The following FUT8 variants were observed in gnomAD, a reference collection of about 807,000 sequenced individuals.
FUT8 encodes alpha-(1,6)-fucosyltransferase.
FUT8 carries 29 observed loss-of-function variants against 71.3 expected under a neutral mutation model. The observed-to-expected ratio is 0.41, with a 90% CI of 0.30 to 0.55. FUT8 has a LOEUF of 0.55. Among genes scored for constraint, FUT8 ranks in the 20% least tolerant of loss-of-function variants. The probability of loss-of-function intolerance (pLI) is 0.34; values close to 1 mark genes in which losing one functional copy is unlikely to be tolerated. For missense variants in FUT8, 544 were observed against 702.1 expected (o/e 0.77, Z 2.55); for synonymous variants, 254 against 239.3 (o/e 1.06, Z -0.57).
chr14:65,465,845 A>G (rs759583145), intron 2 of FUT8, among the ~76,000 whole-genome samples: 1 of 152,184 alleles, frequency 6.6e-6, no homozygotes, highest in Non-Finnish European at 1.5e-5. Flanking sequence ...GCTTCTGTCA[A>G]TTACCGATAG....
intron 5 of FUT8, among the ~76,000 whole-genome samples, chr14:65,625,984 A>C (rs988746453): frequency 6.6e-6 from 1 of 152,162 alleles, no homozygotes; most frequent in Non-Finnish European, 1.5e-5. Flanking sequence ...AGCAAATCAC[A>C]GTTGTTGAGG....
intron 1 of FUT8, among the ~76,000 whole-genome samples, chr14:65,435,412 TTCA>T (rs2065540196): frequency 6.6e-6 from 1 of 152,206 alleles, no homozygotes; most frequent in African/African-American, 2.4e-5. Context: ...TTCATTGAGA[TTCA>T]TTTATGTTGC....
At chr14:65,631,753 T>A (rs1013927370) in intron 6 of FUT8, among the ~76,000 whole-genome samples, 1 of 152,124 alleles carries the variant, frequency 6.6e-6, no homozygotes, top group Non-Finnish European at 1.5e-5. Flanking sequence ...GGTATTTGAT[T>A]ACATGTTCTT....
intron 6 of FUT8, among the ~76,000 whole-genome samples, chr14:65,634,001 C>G (rs574706994): frequency 9.2e-5 from 14 of 152,218 alleles, no homozygotes; most frequent in African/African-American, 3.1e-4. Context: ...CGCCTCTGCC[C>G]GGCCACCGCT....
chr14:65,539,427 A>G (rs1884543649), intron 2 of FUT8, among the ~76,000 whole-genome samples: 1 of 152,182 alleles, frequency 6.6e-6, no homozygotes, highest in Non-Finnish European at 1.5e-5. Flanking sequence ...AGGCAAATTA[A>G]TTAACCTTTT....
intron 2 of FUT8, among the ~76,000 whole-genome samples, chr14:65,478,859 T>G (rs1240189786): frequency 6.6e-6 from 1 of 152,200 alleles, no homozygotes; most frequent in Non-Finnish European, 1.5e-5. Flanking sequence ...GCTGCCTAAT[T>G]GATGAATCAT....
At chr14:65,589,548 A>G (rs905712217) in intron 3 of FUT8, among the ~76,000 whole-genome samples, 1 of 145,068 alleles carries the variant, frequency 6.9e-6, no homozygotes, top group East Asian at 2.1e-4. Context: ...GGTTCACACC[A>G]TTCTCCTGCC....
At chr14:65,443,479 G>A (rs2065692830) in intron 1 of FUT8, among the ~76,000 whole-genome samples, 1 of 151,790 alleles carries the variant, frequency 6.6e-6, no homozygotes, top group South Asian at 2.1e-4. Flanking sequence ...CCGCACTTTG[G>A]GAGGCTGAGG....
chr14:65,623,442 G>T lies in FUT8; in HGVS notation c.483-6050G>T, dbSNP rs186361581. Among the ~76,000 whole-genome samples, 8 of 152,232 alleles carry T rather than the reference G, an allele frequency of 5.3e-5. No homozygotes were observed. The South Asian group carries it at 1.5e-3, about 28-fold the overall frequency. ...CATAAATTCTGTTCTACTTGGCGGG[G>T]CGCGGTGGCTCATGCCTGTAATCCT... On this transcript the variant is annotated intron_variant, in intron 5 of 10. Coordinates refer to ENST00000673929, the MANE Select transcript of FUT8 (RefSeq NM_001371533.1).
the FUT8 span, among the ~76,000 whole-genome samples, chr14:65,362,977 AAAAAAAGAGAAGAAATTCTGTCCTCAT>A: frequency 6.9e-6 from 1 of 145,714 alleles, no homozygotes; most frequent in African/African-American, 2.6e-5. Flanking sequence ...AAAAAAAAAA[AAAAAAAGAGAAGAAATTCTGTCCTCAT>A]AAATGAGACT....
chr14:65,719,760 T>A (rs1310280873), intron 7 of FUT8, among the ~76,000 whole-genome samples: 1 of 152,190 alleles, frequency 6.6e-6, no homozygotes, highest in Admixed American at 6.5e-5. Context: ...ATTCTCTGGA[T>A]TACCAAGCAG....
intron 1 of FUT8, among the ~76,000 whole-genome samples, chr14:65,444,115 T>G (rs1010003240): frequency 2.6e-5 from 4 of 152,212 alleles, no homozygotes; most frequent in Non-Finnish European, 5.9e-5. Context: ...TAAAAGCATT[T>G]CATTAACAGA....
intron 1 of FUT8, among the ~76,000 whole-genome samples, chr14:65,423,935 G>A (rs768854274): frequency 1.3e-5 from 2 of 152,220 alleles, no homozygotes; most frequent in East Asian, 1.9e-4. Context: ...TTTTACAATG[G>A]CCCTTATGCT....
chr14:65,590,208 A>C (rs1206508280), intron 3 of FUT8, among the ~76,000 whole-genome samples: 1 of 152,176 alleles, frequency 6.6e-6, no homozygotes, highest in Non-Finnish European at 1.5e-5. Context: ...TTTGATGACC[A>C]TGAGTTCATG....
intron 1 of FUT8, among the ~76,000 whole-genome samples, chr14:65,434,649 G>T (rs2065528067): frequency 6.6e-6 from 1 of 152,212 alleles, no homozygotes; most frequent in Admixed American, 6.5e-5. Flanking sequence ...TAGAATTTAA[G>T]AATTCAAAAC....
intron 2 of FUT8, among the ~76,000 whole-genome samples, chr14:65,543,295 A>G (rs1337093271): frequency 5.9e-5 from 9 of 152,200 alleles, no homozygotes; most frequent in Admixed American, 5.2e-4. Context: ...TCTTAGTTCT[A>G]ATTCTTATAA....
chr14:65,659,778 TTTCTC>T (rs1170246224), intron 6 of FUT8, among the ~76,000 whole-genome samples: 7 of 152,226 alleles, frequency 4.6e-5, no homozygotes, highest in East Asian at 1.9e-4. Context: ...CCTCTCCTCT[TTTCTC>T]TTCTCACTCC....
chr14:65,611,281 ACACACACACACACACACACACCCC>A (rs1888968655), intron 3 of FUT8, among the ~76,000 whole-genome samples: 1 of 47,188 alleles, frequency 2.1e-5, no homozygotes, highest in Non-Finnish European at 3.8e-5. Context: ...ACACACACAC[ACACACACACACACACACACACCCC>A]CCAAGTAATA....
At chr14:65,678,762 C>CT (rs1052336526) in intron 7 of FUT8, among the ~76,000 whole-genome samples, 70 of 152,120 alleles carry the variant, frequency 4.6e-4, no homozygotes, top group African/African-American at 1.5e-3. Flanking sequence ...ATTTAAAAGT[C>CT]TTTTTTTCTA....
Sources: gnomAD v4.1 joint callset for allele counts (sites outside exome capture counted in the v4.1 genomes callset) on GRCh38, gnomAD v4.1.1 for gene constraint, MANE v1.5 for transcripts, NCBI Gene and HGNC (gene_info 2026-07-23, HGNC 2026-07-21) for gene names.